Variants in HMCN1 observed in about 807,000 individuals in gnomAD.
HMCN1 encodes the protein hemicentin-1.
HMCN1 carries 321 observed loss-of-function variants against 625.9 expected under a neutral mutation model. The ratio of observed to expected loss-of-function variants is 0.51; its 90% CI spans 0.47 to 0.56. The LOEUF is 0.56. Ranked by LOEUF, HMCN1 falls within the 20% of genes least tolerant of loss-of-function variation. The pLI is 0.00. For missense variants in HMCN1, 6,588 were observed against 6,887.3 expected (o/e 0.96, Z 1.54); for synonymous variants, 2,425 against 2,417.6 (o/e 1.00, Z -0.09).
intron 30 of HMCN1, among the ~76,000 whole-genome samples, chr1:186,013,278 A>T (rs1283719127): frequency 6.6e-6 from 1 of 152,142 alleles, no homozygotes; most frequent in Admixed American, 6.6e-5. Flanking sequence ...ACAAAATGTT[A>T]TTATTTTGAT....
chr1:185,820,146 T>G (rs1047863755), intron 1 of HMCN1, among the ~76,000 whole-genome samples: 31 of 152,292 alleles, frequency 2.0e-4, no homozygotes, highest in African/African-American at 7.5e-4. Context: ...AATATGTTTT[T>G]CATAAGAATT....
chr1:186,144,265 C>G lies in HMCN1; in HGVS notation c.14017C>G (p.Pro4673Ala). The change falls in exon 90 of 107, where the codon CCA becomes GCA. Residue 4673 changes from proline to alanine, a missense_variant. Physicochemically the swap from Pro to Ala is conservative, Grantham distance 27. Around this residue, in one of 3 missense-constraint regions of HMCN1, gnomAD observed 1,954 missense variants for 2,013.1 expected, o/e 0.97. Transcript: ENST00000271588. The part of the protein sequence containing the change: ...TQTRARLCNN[P>A]PPAFGGSYCD... ...GACAAGAGCAAGACTTTGTAATAAC[C>G]CACCACCAGCGTTTGGTGGGTCCTA... 1 of 1,613,982 alleles carries G rather than the reference C, an allele frequency of 6.2e-7. No homozygotes were observed. The highest frequency in any genetic ancestry group is 8.5e-7 in the Non-Finnish European group (1 of 1,179,946).
At chr1:185,816,198 C>T (rs1454188981) in intron 1 of HMCN1, among the ~76,000 whole-genome samples, 2 of 152,190 alleles carry the variant, frequency 1.3e-5, no homozygotes, top group Non-Finnish European at 1.5e-5. Flanking sequence ...AAAGGAAGAA[C>T]AAATTATAGG....
chr1:185,863,141 G>A (rs1324102709), intron 2 of HMCN1, among the ~76,000 whole-genome samples: 1 of 152,150 alleles, frequency 6.6e-6, no homozygotes, highest in Non-Finnish European at 1.5e-5. Context: ...TAATGATAAA[G>A]CCTTACTCCT....
At chr1:185,935,321 G>C (rs943703711) in intron 11 of HMCN1, among the ~76,000 whole-genome samples, 12 of 152,102 alleles carry the variant, frequency 7.9e-5, no homozygotes, top group African/African-American at 2.9e-4. Context: ...TTTTAAAAAT[G>C]CAGATTTCTA....
rs1649642109 is a variant in HMCN1 at position 186,136,940 on chromosome 1, G to A, written c.13582+3G>A. 1.5e-5 allele frequency: 24 copies of A among 1,613,074 alleles called. No homozygotes were observed. The highest frequency in any genetic ancestry group is 1.9e-5 in the Non-Finnish European group (23 of 1,179,844). On this transcript the variant is annotated splice_donor_region_variant and intron_variant, in intron 87 of 106. Transcript: ENST00000271588. ...CAGAGTGCCAGTCATAGTCCAGGGT[G>A]AGTGTGATCAGAGGAATATTCATAG...
At chr1:186,087,177 C>T in intron 58 of HMCN1, 40 bp from the exon 59 acceptor site, 1 of 1,247,788 alleles carries the variant, frequency 8.0e-7, no homozygotes, top group Non-Finnish European at 1.2e-6. Context: ...TTAGAACAAC[C>T]TGTATACCAC....
At chr1:186,161,083 G>T (rs1247082604) in intron 97 of HMCN1, among the ~76,000 whole-genome samples, 2 of 152,104 alleles carry the variant, frequency 1.3e-5, no homozygotes, top group Non-Finnish European at 2.9e-5. Flanking sequence ...CTAAGGACTT[G>T]CTTTATGAAT....
intron 10 of HMCN1, among the ~76,000 whole-genome samples, chr1:185,931,769 C>T (rs932951818): frequency 3.9e-5 from 6 of 152,104 alleles, no homozygotes; most frequent in Non-Finnish European, 8.8e-5. Flanking sequence ...ATGTGGGCAG[C>T]ACTGGAAAGG....
rs1465242091 is a variant in HMCN1 at position 186,136,650 on chromosome 1, A to G, written c.13313-18A>G. ...GTAACTCCACAAAAACTGAGACACT[A>G]TGTGCTTTTTTCCGTAGGTCCTCCT... On this transcript the variant is annotated intron_variant, in intron 86 of 106. Transcript: ENST00000271588. 1 of 1,613,236 alleles carries G rather than the reference A, an allele frequency of 6.2e-7. No individual in the cohort carries two copies. The highest frequency in any genetic ancestry group is 8.5e-7 in the Non-Finnish European group (1 of 1,179,298).
chr1:185,803,188 C>CAAAAAA (rs1245942461), intron 1 of HMCN1, among the ~76,000 whole-genome samples: 1 of 33,812 alleles, frequency 3.0e-5, no homozygotes, highest in Non-Finnish European at 1.1e-4. Context: ...TTAGCAGAAC[C>CAAAAAA]AAAAAAAAAA....
At chr1:185,880,847 A>G (rs1664260538) in intron 4 of HMCN1, among the ~76,000 whole-genome samples, 1 of 152,208 alleles carries the variant, frequency 6.6e-6, no homozygotes, top group African/African-American at 2.4e-5. Context: ...ATGGAAGAAG[A>G]AAGGAGTTGT....
chr1:185,796,482 C>T (rs188910461), intron 1 of HMCN1, among the ~76,000 whole-genome samples: 31 of 152,190 alleles, frequency 2.0e-4, no homozygotes, highest in African/African-American at 6.3e-4. Flanking sequence ...TATGTCCATG[C>T]GTACACATTA....
At chr1:186,076,382 T>C (rs1010467466) in intron 53 of HMCN1, 46 bp from the exon 54 acceptor site, 10 of 1,544,924 alleles carry the variant, frequency 6.5e-6, no homozygotes, top group Non-Finnish European at 8.9e-6. Context: ...AAGATCTTTG[T>C]TTAAGCATTT....
chr1:185,912,830 T>C (rs1181485605), intron 6 of HMCN1, among the ~76,000 whole-genome samples: 1 of 152,120 alleles, frequency 6.6e-6, no homozygotes, highest in Non-Finnish European at 1.5e-5. Flanking sequence ...ATAAACAACT[T>C]GCTCTAGAAT....
At chr1:185,909,593 A>G (rs561425304) in intron 5 of HMCN1, 85 bp downstream of exon 5, 2 of 1,139,672 alleles carry the variant, frequency 1.8e-6, no homozygotes, top group South Asian at 2.6e-5. Context: ...TGTCAAGTTA[A>G]TGCCAACTTC....
In HMCN1 at chr1:186,124,841, T is replaced by C. The variant is rs6690700; in HGVS notation, c.12500-763T>C. 5.2e-3 allele frequency among the ~76,000 whole-genome samples: 796 copies of C among 152,210 alleles called. 10 individuals carry two copies. The highest frequency in any genetic ancestry group is 0.018 in the African/African-American group (753 of 41,564). On this transcript the variant is annotated intron_variant, in intron 81 of 106. Coordinates refer to ENST00000271588, the MANE Select transcript of HMCN1 (RefSeq NM_031935.3). ...TCATTGTTTTGGGAAGGGAGTGTAT[T>C]TTTACTTTTGAACCGAGAATTCTTA...
chr1:186,159,832 A>G (rs1053733534), intron 97 of HMCN1, among the ~76,000 whole-genome samples: 3 of 152,196 alleles, frequency 2.0e-5, no homozygotes, highest in African/African-American at 7.2e-5. Context: ...CCAGTATTTT[A>G]TTGAGGATTT....
intron 15 of HMCN1, among the ~76,000 whole-genome samples, chr1:185,973,720 C>T (rs954112863): frequency 6.6e-6 from 1 of 151,948 alleles, no homozygotes; most frequent in African/African-American, 2.4e-5. Context: ...GGGAAAGTTA[C>T]CAATGATTTT....
Sources: gnomAD v4.1 joint callset for allele counts (sites outside exome capture counted in the v4.1 genomes callset) on GRCh38, gnomAD v4.1.1 for gene constraint, gnomAD v4.1.1 regional missense constraint, MANE v1.5 for transcripts, NCBI Gene and HGNC (gene_info 2026-07-23, HGNC 2026-07-21) for gene names.